TMEM132D: variants seen among roughly 807,000 people sequenced by gnomAD.
TMEM132D encodes mature OL transmembrane protein.
TMEM132D carries 21 observed loss-of-function variants against 62.3 expected under a neutral mutation model. That is an observed-to-expected ratio of 0.34 (90% CI 0.24 to 0.49). TMEM132D has a LOEUF of 0.49. Among genes scored for constraint, TMEM132D ranks in the 20% least tolerant of loss-of-function variants. The pLI is 0.99. For missense variants in TMEM132D, 1,346 were observed against 1,402.8 expected, an observed-to-expected ratio of 0.96 and a Z score of 0.65; for synonymous variants, 621 against 575.6, an observed-to-expected ratio of 1.08 and a Z score of -1.13.
At chr12:129,338,362 T>C (rs984211945) in intron 3 of TMEM132D, among the ~76,000 whole-genome samples, 1 of 152,150 alleles carries the variant, frequency 6.6e-6, no homozygotes, top group East Asian at 1.9e-4. Flanking sequence ...GTGATGAGCA[T>C]GGAGAAGTCA....
chr12:129,343,460 AG>A lies in TMEM132D; in HGVS notation c.1116-5644del, dbSNP rs373231626. 2.2e-3 allele frequency among the ~76,000 whole-genome samples: 335 copies of A among 152,244 alleles called. 2 individuals carry two copies. The highest frequency in any genetic ancestry group is 0.014 in the South Asian group (66 of 4,818). ...GGGATGGGGGAGGGATAGCATTAGG[AG>A]ATATACCTAATGTAAATGATGAGTT... On this transcript the variant is annotated intron_variant, in intron 3 of 8. Transcript: ENST00000422113.
At chr12:129,401,613 C>G (rs1171539354) in intron 3 of TMEM132D, among the ~76,000 whole-genome samples, 1 of 152,038 alleles carries the variant, frequency 6.6e-6, no homozygotes, top group Non-Finnish European at 1.5e-5. Context: ...TTAGGTACAT[C>G]AACTCATTTA....
intron 5 of TMEM132D, among the ~76,000 whole-genome samples, chr12:129,191,638 A>T (rs1409545101): frequency 6.6e-6 from 1 of 151,912 alleles, no homozygotes; most frequent in East Asian, 1.9e-4. Context: ...ATATATATGT[A>T]TATTTATATA....
intron 5 of TMEM132D, among the ~76,000 whole-genome samples, chr12:129,151,368 T>G (rs374057122): frequency 4.9e-4 from 74 of 152,280 alleles, no homozygotes; most frequent in African/African-American, 1.7e-3. Context: ...GTTGCCTTAT[T>G]CTGGGTTAGA....
chr12:129,494,402 T>C (rs1045147764), intron 3 of TMEM132D, among the ~76,000 whole-genome samples: 2 of 152,132 alleles, frequency 1.3e-5, no homozygotes, highest in African/African-American at 4.8e-5. Flanking sequence ...TTCCCAGAAA[T>C]ATGCTGGGTG....
At chr12:129,597,421 T>C (rs979824609) in intron 2 of TMEM132D, among the ~76,000 whole-genome samples, 1 of 152,026 alleles carries the variant, frequency 6.6e-6, no homozygotes, top group Non-Finnish European at 1.5e-5. Context: ...GAACACCCCA[T>C]ACTTACATCA....
rs187195211 is a variant in TMEM132D, at chr12:129,450,877, T to G, written c.1115+80182A>C. On this transcript the variant is annotated intron_variant, in intron 3 of 8. Transcript: ENST00000422113. The stretch of plus-strand genomic sequence containing the variant: ...GTTCAAGCAATTCTCTGCCTCAGCC[T>G]CCCGAGTAGCTGGGATTACAGGTGC... Among the ~76,000 whole-genome samples the G allele has an allele frequency of 7.8e-4, 111 of 142,008 alleles. 1 individual carries two copies. In the East Asian group the frequency reaches 0.023, roughly 29 times the overall value. 93.2% of individuals were successfully genotyped at this position (142,008 alleles called of 152,430 possible).
chr12:129,485,643 G>A (rs1287984809), intron 3 of TMEM132D, among the ~76,000 whole-genome samples: 2 of 152,182 alleles, frequency 1.3e-5, no homozygotes, highest in African/African-American at 4.8e-5. Context: ...GTTTGCAGAG[G>A]GCACGCCAGA....
intron 4 of TMEM132D, among the ~76,000 whole-genome samples, chr12:129,310,613 G>A (rs1271016194): frequency 6.6e-6 from 1 of 152,234 alleles, no homozygotes; most frequent in African/African-American, 2.4e-5. Context: ...GATTGTGCAA[G>A]AGAGGGTGGA....
chr12:129,903,371 C>T lies in TMEM132D; in HGVS notation c.-32G>A, dbSNP rs1010472373. The T allele has an allele frequency of 2.6e-6, 4 of 1,549,046 alleles. No homozygotes were observed. Among genetic ancestry groups the T allele is most frequent in the Admixed American group, 3.9e-5 (2 of 50,998 alleles). ...GACCCGGAGCGCAGATCCTCCGCTCCCCGGCGCCGTCCAGGCGAACAAGAG... is the reference window on the plus strand; with the variant it reads ...GACCCGGAGCGCAGATCCTCCGCTCTCCGGCGCCGTCCAGGCGAACAAGAG... On this transcript the variant is annotated 5_prime_UTR_variant, in exon 1 of 9. Coordinates refer to ENST00000422113, the MANE Select transcript of TMEM132D (RefSeq NM_133448.3). The surrounding 1 kb of genome is among the most constrained non-coding windows in gnomAD (Gnocchi z 6.2).
intron 1 of TMEM132D, among the ~76,000 whole-genome samples, chr12:129,701,258 T>G (rs1881379156): frequency 6.6e-6 from 1 of 152,168 alleles, no homozygotes; most frequent in South Asian, 2.1e-4. Context: ...GCTAACAGAC[T>G]TGGGGCAAAA....
intron 3 of TMEM132D, among the ~76,000 whole-genome samples, chr12:129,484,725 G>C (rs1874532297): frequency 1.3e-5 from 2 of 152,206 alleles, no homozygotes; most frequent in Admixed American, 1.3e-4. Context: ...TTTAAGGCAT[G>C]CTCTCCATGG....
chr12:129,214,788 T>A (rs772848991), intron 4 of TMEM132D, among the ~76,000 whole-genome samples: 11 of 152,198 alleles, frequency 7.2e-5, no homozygotes, highest in Admixed American at 1.3e-4. Context: ...ATAGCTATTA[T>A]TAAAAAGATT....
chr12:129,630,369 A>C (rs1879321377), intron 2 of TMEM132D, among the ~76,000 whole-genome samples: 2 of 152,194 alleles, frequency 1.3e-5, no homozygotes, highest in South Asian at 4.1e-4. Context: ...ATATCTCACC[A>C]TCAGATGGGT....
chr12:129,840,132 A>C (rs971466793), intron 1 of TMEM132D: 1 of 152,252 alleles, frequency 6.6e-6, no homozygotes, highest in African/African-American at 2.4e-5. Context: ...TGTAAATTAC[A>C]TATAAATCAA....
At chr12:129,626,372 A>G (rs1047230270) in intron 2 of TMEM132D, among the ~76,000 whole-genome samples, 1 of 152,226 alleles carries the variant, frequency 6.6e-6, no homozygotes, top group African/African-American at 2.4e-5. Context: ...GTTTTAGACT[A>G]TTTTGGAAGA....
intron 3 of TMEM132D, among the ~76,000 whole-genome samples, chr12:129,379,023 A>G (rs1170137166): frequency 6.6e-6 from 1 of 152,190 alleles, no homozygotes. Flanking sequence ...TAATTCATCA[A>G]TGGATTAACT....
At chr12:129,807,332 A>G (rs1405578902) in intron 1 of TMEM132D, among the ~76,000 whole-genome samples, 1 of 152,096 alleles carries the variant, frequency 6.6e-6, no homozygotes, top group Non-Finnish European at 1.5e-5. Context: ...TGGCCATGAC[A>G]GGTTTGAGTT....
chr12:129,518,986 A>G (rs796138259), intron 3 of TMEM132D, among the ~76,000 whole-genome samples: 19 of 152,332 alleles, frequency 1.2e-4, no homozygotes, highest in African/African-American at 4.1e-4. Flanking sequence ...TCCATTGGTT[A>G]CAATTCCATT....
Sources: gnomAD v4.1 joint callset for allele counts (sites outside exome capture counted in the v4.1 genomes callset) on GRCh38, gnomAD v4.1.1 for gene constraint, Gnocchi (gnomAD v3.1) non-coding constraint, MANE v1.5 for transcripts, NCBI Gene and HGNC (gene_info 2026-07-23, HGNC 2026-07-21) for gene names.